Variants in FTO observed in about 807,000 individuals in gnomAD.
FTO encodes alpha-ketoglutarate-dependent dioxygenase FTO.
In FTO, 47 loss-of-function variants were observed where a neutral mutation model predicts 63.9. The observed-to-expected ratio is 0.74, with a 90% CI of 0.58 to 0.94. The LOEUF (loss-of-function observed/expected upper bound fraction) is 0.94, where lower values mean the gene tolerates loss of function less well. Among genes scored for constraint, FTO ranks in the 40% least tolerant of loss-of-function variants. The pLI is 0.00. For synonymous variants in FTO, 207 were observed against 224.4 expected (o/e 0.92, Z 0.69); for missense variants, 562 against 618.1 (o/e 0.91, Z 0.96).
At chr16:53,991,200 T>C (rs2083802301) in intron 8 of FTO, 1 of 152,248 alleles carries the variant, frequency 6.6e-6, no homozygotes, top group African/African-American at 2.4e-5. Context: ...CTTATTTTCC[T>C]TGTTTTCAGC....
chr16:53,858,270 A>G (rs965517982), intron 4 of FTO, among the ~76,000 whole-genome samples: 1 of 152,168 alleles, frequency 6.6e-6, no homozygotes. Context: ...TGACTGGATG[A>G]TATATTATTA....
At chr16:53,747,999 T>A (rs1403675648) in intron 1 of FTO, among the ~76,000 whole-genome samples, 1 of 152,222 alleles carries the variant, frequency 6.6e-6, no homozygotes, top group Non-Finnish European at 1.5e-5. Flanking sequence ...GGCTCTATTC[T>A]GTTCATTGGT....
intron 7 of FTO, among the ~76,000 whole-genome samples, chr16:53,923,809 A>G (rs7204611): frequency 0.54 from 82,288 of 151,346 alleles, 22,856 homozygotes; most frequent in East Asian, 0.83. Context: ...GCTTAAACGT[A>G]TGGGGCAGGC....
At chr16:53,849,121 G>C (rs1344500) in intron 4 of FTO, among the ~76,000 whole-genome samples, 26,511 of 151,992 alleles carry the variant, frequency 0.17, 2,520 homozygotes, top group East Asian at 0.33. Flanking sequence ...GGGTAGAGTT[G>C]TGAAAGGACC....
intron 8 of FTO, among the ~76,000 whole-genome samples, chr16:54,098,781 G>A (rs989435219): frequency 1.3e-5 from 2 of 152,136 alleles, no homozygotes; most frequent in African/African-American, 4.8e-5. Flanking sequence ...TTTCATAACT[G>A]TATTCGTTAC....
intron 8 of FTO, among the ~76,000 whole-genome samples, chr16:54,004,346 G>A (rs2084142444): frequency 6.6e-6 from 1 of 151,822 alleles, no homozygotes; most frequent in African/African-American, 2.4e-5. Flanking sequence ...GAGTTATGAA[G>A]GGACCCACTG....
At chr16:54,091,065 A>G (rs1200790801) in intron 8 of FTO, among the ~76,000 whole-genome samples, 1 of 152,142 alleles carries the variant, frequency 6.6e-6, no homozygotes, top group Admixed American at 6.5e-5. Context: ...CTGTTGTTGA[A>G]AGCAAGTCAC....
intron 4 of FTO, among the ~76,000 whole-genome samples, chr16:53,853,521 C>T (rs976485806): frequency 6.6e-6 from 1 of 152,028 alleles, no homozygotes; most frequent in Admixed American, 6.6e-5. Context: ...CCACTCTCTA[C>T]ACCTTCATGT....
intron 8 of FTO, among the ~76,000 whole-genome samples, chr16:53,964,740 A>G (rs781618012): frequency 6.6e-6 from 1 of 152,238 alleles, no homozygotes; most frequent in African/African-American, 2.4e-5. Context: ...TTTAAGTTTC[A>G]TAGAAAATAA....
At chr16:53,743,006 A>G (rs1453398448) in intron 1 of FTO, among the ~76,000 whole-genome samples, 2 of 152,170 alleles carry the variant, frequency 1.3e-5, no homozygotes, top group East Asian at 1.9e-4. Flanking sequence ...TGCACACTCC[A>G]TGATGTGGAA....
intron 3 of FTO, 143 bp downstream of exon 3, chr16:53,826,634 A>C (rs1463219560): frequency 1.3e-6 from 1 of 775,580 alleles, no homozygotes; most frequent in African/African-American, 1.7e-5. Context: ...TGTGTGTATC[A>C]TGTGTCCTTT....
At chr16:53,755,772 G>T (rs1400211836) in intron 1 of FTO, among the ~76,000 whole-genome samples, 1 of 152,146 alleles carries the variant, frequency 6.6e-6, no homozygotes, top group Admixed American at 6.5e-5. Context: ...GAGAAAGCTG[G>T]TGTATGCCCT....
At chr16:54,083,375 ATC>A (rs1316667321) in intron 8 of FTO, among the ~76,000 whole-genome samples, 1 of 152,150 alleles carries the variant, frequency 6.6e-6, no homozygotes, top group African/African-American at 2.4e-5. Flanking sequence ...TGCAAGCAAA[ATC>A]TCTGATCTCA....
At chr16:54,015,909 C>A (rs1861553) in intron 8 of FTO, among the ~76,000 whole-genome samples, 1 of 152,206 alleles carries the variant, frequency 6.6e-6, no homozygotes, top group Non-Finnish European at 1.5e-5. Context: ...ATTTTTCTAT[C>A]CTGCCTTCCA....
intron 8 of FTO, among the ~76,000 whole-genome samples, chr16:53,955,727 T>G (rs527249544): frequency 6.6e-6 from 1 of 152,264 alleles, no homozygotes; most frequent in Non-Finnish European, 1.5e-5. Context: ...CATAATTGAT[T>G]GTGAGATAAA....
rs921556071 is a variant in FTO, at chr16:54,018,103, G to T, written c.1364+83994G>T. Among the ~76,000 whole-genome samples, 12 of 151,860 alleles carry T rather than the reference G, an allele frequency of 7.9e-5. No individual in the cohort carries two copies. In the South Asian group the frequency reaches 8.3e-4, roughly 11 times the overall value. On this transcript the variant is annotated intron_variant, in intron 8 of 8. Coordinates refer to ENST00000471389, the MANE Select transcript of FTO (RefSeq NM_001080432.3). The stretch of plus-strand genomic sequence containing the variant: ...GTACTCTCTTTTTCACTTTGCTAAA[G>T]TTTGAATCATCTTTTGTAATGGATG...
chr16:54,055,066 G>C (rs1399736190), intron 8 of FTO, among the ~76,000 whole-genome samples: 1 of 152,224 alleles, frequency 6.6e-6, no homozygotes, highest in East Asian at 1.9e-4. Context: ...CTGGCTTGAA[G>C]TCTTTAGAAC....
At chr16:54,039,325 C>T (rs1320636411) in intron 8 of FTO, 2 of 152,196 alleles carry the variant, frequency 1.3e-5, no homozygotes, top group Non-Finnish European at 2.9e-5. Flanking sequence ...TTCAGAGGTG[C>T]CTATACTTCT....
intron 8 of FTO, among the ~76,000 whole-genome samples, chr16:53,980,901 T>C (rs1326435144): frequency 1.3e-5 from 2 of 152,332 alleles, no homozygotes; most frequent in East Asian, 3.9e-4. Context: ...CAGTTTAGAA[T>C]TGCAAAATTC....
Sources: gnomAD v4.1 joint callset for allele counts (sites outside exome capture counted in the v4.1 genomes callset) on GRCh38, gnomAD v4.1.1 for gene constraint, MANE v1.5 for transcripts, NCBI Gene and HGNC (gene_info 2026-07-23, HGNC 2026-07-21) for gene names.